Variants in TIAM2 observed in about 807,000 individuals in gnomAD.
The protein encoded by TIAM2 is TIAM Rac1 associated GEF 2, also known as rho guanine nucleotide exchange factor TIAM2.
A neutral mutation model predicts 152.9 loss-of-function variants in TIAM2; 80 were observed. The ratio of observed to expected loss-of-function variants is 0.52; its 90% CI spans 0.44 to 0.63. The LOEUF (loss-of-function observed/expected upper bound fraction) is 0.63, where lower values mean the gene tolerates loss of function less well. TIAM2 is among the 30% of genes least tolerant of loss of function. The pLI, the probability that TIAM2 is intolerant of heterozygous loss-of-function variation, is 0.00. For missense variants in TIAM2, 1,965 were observed against 2,120.1 expected (o/e 0.93, Z 1.44); for synonymous variants, 804 against 838.0 (o/e 0.96, Z 0.70).
At chr6:155,027,839 A>C (rs1776642598) in intron 1 of TIAM2, among the ~76,000 whole-genome samples, 1 of 102,976 alleles carries the variant, frequency 9.7e-6, no homozygotes, top group Non-Finnish European at 1.8e-5. Flanking sequence ...CATATATACT[A>C]TATATAATAT....
At chr6:155,251,289 T>C (rs184062913) in intron 22 of TIAM2, among the ~76,000 whole-genome samples, 1 of 152,226 alleles carries the variant, frequency 6.6e-6, no homozygotes, top group Non-Finnish European at 1.5e-5. Context: ...GCTATCTTTT[T>C]CTTTTTCTTT....
At chr6:155,151,213 G>T (rs1402374243) in intron 7 of TIAM2, among the ~76,000 whole-genome samples, 1 of 152,182 alleles carries the variant, frequency 6.6e-6, no homozygotes, top group Non-Finnish European at 1.5e-5. Context: ...AGCAGAGCAG[G>T]TCGAGCTGCC....
intron 1 of TIAM2, among the ~76,000 whole-genome samples, chr6:155,014,983 A>G (rs1317519387): frequency 6.6e-6 from 1 of 152,088 alleles, no homozygotes; most frequent in Non-Finnish European, 1.5e-5. Context: ...AAGTGTGGTT[A>G]GGATGTCTGG....
At chr6:155,142,362 T>C (rs1779730343) in intron 5 of TIAM2, among the ~76,000 whole-genome samples, 1 of 152,250 alleles carries the variant, frequency 6.6e-6, no homozygotes, top group Non-Finnish European at 1.5e-5. Context: ...GGTAGTCTGT[T>C]GTCCATGGGT....
intron 1 of TIAM2, among the ~76,000 whole-genome samples, chr6:155,068,890 A>G (rs1239686602): frequency 6.6e-6 from 1 of 152,012 alleles, no homozygotes; most frequent in Non-Finnish European, 1.5e-5. Flanking sequence ...AGCATCTTAT[A>G]ACCCTTTATA....
intron 7 of TIAM2, among the ~76,000 whole-genome samples, chr6:155,155,297 C>A (rs1780078099): frequency 6.6e-6 from 1 of 151,916 alleles, no homozygotes; most frequent in South Asian, 2.1e-4. Flanking sequence ...GTCCCTCAGC[C>A]TCCCAGGCAG....
intron 2 of TIAM2, among the ~76,000 whole-genome samples, chr6:155,125,036 G>T (rs889276784): frequency 5.9e-5 from 9 of 152,094 alleles, no homozygotes; most frequent in Admixed American, 2.0e-4. Flanking sequence ...CAGCACTTTG[G>T]GAGGCCGAGG....
Position 155,162,677 on chromosome 6 carries a change from T to C in TIAM2, c.2029-1738T>C, listed in dbSNP as rs140096586. 2.1e-4 allele frequency among the ~76,000 whole-genome samples: 32 copies of C among 152,316 alleles called. No individual in the cohort carries two copies. The East Asian group carries it at 5.8e-3, about 28-fold the overall frequency. ...CAGAAGGTGCTCATGAAATGTAAACTTTCCTAGGCCTCAGACCTAATGGAT... is the reference window on the plus strand; with the variant it reads ...CAGAAGGTGCTCATGAAATGTAAACCTTCCTAGGCCTCAGACCTAATGGAT... On this transcript the variant is annotated intron_variant, in intron 7 of 26. Coordinates refer to ENST00000682666, the MANE Select transcript of TIAM2 (RefSeq NM_012454.4).
At chr6:155,241,308 G>T (rs766396186) in intron 16 of TIAM2, among the ~76,000 whole-genome samples, 6 of 152,210 alleles carry the variant, frequency 3.9e-5, no homozygotes, top group African/African-American at 7.2e-5. Flanking sequence ...GAATACTGGA[G>T]CCTGGGGAGC....
At chr6:155,091,660 C>T (rs1005533291) in intron 2 of TIAM2, among the ~76,000 whole-genome samples, 2 of 151,934 alleles carry the variant, frequency 1.3e-5, no homozygotes, top group African/African-American at 4.8e-5. Context: ...AATTTTGATC[C>T]TAATTTTGGT....
chr6:155,029,246 A>G (rs181799251), intron 1 of TIAM2, among the ~76,000 whole-genome samples: 4 of 102,652 alleles, frequency 3.9e-5, no homozygotes, highest in African/African-American at 1.6e-4. Flanking sequence ...TATATACACT[A>G]TATGTACTAT....
At position 155,178,049 on chromosome 6, in the gene TIAM2, T is replaced by C. The variant is rs1335385837; in HGVS notation, c.2524-990T>C. Among the ~76,000 whole-genome samples, 2 of 151,470 alleles carry C rather than the reference T, an allele frequency of 1.3e-5. 1 individual carries two copies. The highest frequency in any genetic ancestry group is 2.9e-5 in the Non-Finnish European group (2 of 67,958). ...GGTGGCGGGCGCCTGTAGTCCCAGC[T>C]ACTCGGGAGGCAGAGGCAGGAGAAT... On this transcript the variant is annotated intron_variant, in intron 10 of 26. Transcript: ENST00000682666.
chr6:155,214,629 A>G lies in TIAM2; in HGVS notation c.3168+3322A>G, dbSNP rs1781808613. ...TGTCCCAGGATGCAAGTTATTTTAC[A>G]AAACTGAAATTCATCAGCATTTTTA... On this transcript the variant is annotated intron_variant, in intron 15 of 26. Coordinates refer to ENST00000682666, the MANE Select transcript of TIAM2 (RefSeq NM_012454.4). The surrounding 1 kb of genome is among the most constrained non-coding windows in gnomAD (Gnocchi z 5.4). Among the ~76,000 whole-genome samples the G allele has an allele frequency of 1.3e-5, 2 of 152,206 alleles. No individual in the cohort carries two copies. The highest frequency in any genetic ancestry group is 2.9e-5 in the Non-Finnish European group (2 of 68,034).
intron 1 of TIAM2, among the ~76,000 whole-genome samples, chr6:155,011,074 G>A (rs1388370711): frequency 6.6e-6 from 1 of 151,738 alleles, no homozygotes; most frequent in East Asian, 1.9e-4. Context: ...TTTAGGAGCT[G>A]TTCTTTTCAG....
intron 15 of TIAM2, among the ~76,000 whole-genome samples, chr6:155,226,710 G>A (rs554349866): frequency 6.6e-6 from 1 of 152,290 alleles, no homozygotes; most frequent in South Asian, 2.1e-4. Context: ...TGCAGATGGT[G>A]AAATTTAAAT....
intron 1 of TIAM2, among the ~76,000 whole-genome samples, chr6:155,061,882 T>G (rs9397773): frequency 0.39 from 59,330 of 151,990 alleles, 11,977 homozygotes; most frequent in Middle Eastern, 0.5. Flanking sequence ...TTTTATGGGT[T>G]TTTCACAAAT....
intron 1 of TIAM2, among the ~76,000 whole-genome samples, chr6:155,047,706 C>A (rs13201640): frequency 0.35 from 13,732 of 39,648 alleles, 1,940 homozygotes; most frequent in African/African-American, 0.51. Flanking sequence ...AGAGAGAGAG[C>A]GAGAGAGAGA....
chr6:155,094,382 A>G (rs1448773988), intron 2 of TIAM2, among the ~76,000 whole-genome samples: 1 of 152,156 alleles, frequency 6.6e-6, no homozygotes, highest in African/African-American at 2.4e-5. Flanking sequence ...CATAGTAGTA[A>G]TGGAAAAACT....
chr6:155,203,628 AT>A (rs1415615182), intron 14 of TIAM2, among the ~76,000 whole-genome samples: 1 of 152,112 alleles, frequency 6.6e-6, no homozygotes, highest in Non-Finnish European at 1.5e-5. Flanking sequence ...TATTTTTTAG[AT>A]TTTTTTCAGT....
Sources: allele counts gnomAD v4.1 joint callset (sites outside exome capture counted in the v4.1 genomes callset), GRCh38; gene constraint gnomAD v4.1.1; non-coding constraint Gnocchi (gnomAD v3.1); transcripts MANE v1.5; gene names NCBI Gene and HGNC (gene_info 2026-07-23, HGNC 2026-07-21).